Variants in VPS13A observed in about 807,000 individuals in gnomAD.
VPS13A encodes the protein vacuolar protein sorting 13 homolog A.
Under a neutral mutation model 390.9 loss-of-function variants are expected in VPS13A, and 264 were observed. That is an observed-to-expected ratio of 0.68 (90% CI 0.61 to 0.75). The LOEUF (loss-of-function observed/expected upper bound fraction) is 0.75. Ranked by LOEUF, VPS13A falls within the 30% of genes least tolerant of loss-of-function variation. VPS13A has a pLI of 0.00. For synonymous variants in VPS13A, 1,231 were observed against 1,227.1 expected (o/e 1.00, Z -0.07); for missense variants, 3,409 against 3,733.9 (o/e 0.91, Z 2.27).
At chr9:77,233,375 C>G (rs1823948917) in intron 17 of VPS13A, among the ~76,000 whole-genome samples, 1 of 151,382 alleles carries the variant, frequency 6.6e-6, no homozygotes, top group African/African-American at 2.4e-5. Context: ...TTCATTCTCT[C>G]TGGTGTTTTT....
Position 77,281,739 on chromosome 9 carries a change from GTATATATA to G in VPS13A, c.2905-116_2905-109del, listed in dbSNP as rs111517856. 126 of 492,570 alleles carry G rather than the reference GTATATATA, an allele frequency of 2.6e-4. No individual in the cohort carries two copies. In the East Asian group the frequency reaches 4.6e-3, roughly 18 times the overall value. 30.5% of individuals were successfully genotyped at this position (492,570 alleles called of 1,614,324 possible). A position where few individuals can be genotyped will look rare whatever the true frequency, so the allele number is the denominator to read the frequency against. On this transcript the variant is annotated intron_variant, in intron 27 of 71. Transcript: ENST00000360280. Reference sequence around the variant, plus strand: ...GGTAATTATATGTGTGTGTATATGTGTATATATATATATATATATGTATATGAACAGCT... The same window carrying G: ...GGTAATTATATGTGTGTGTATATGTGTATATATATATGTATATGAACAGCT...
chr9:77,260,166 A>G lies in VPS13A; in HGVS notation c.2369A>G (p.Glu790Gly), dbSNP rs371250561. The change falls in exon 23 of 72, where the codon GAA (glutamate) becomes GGA (glycine). Residue 790 changes from glutamate (E) to glycine (G), a missense_variant. By Grantham distance (98) the Glu-to-Gly change is moderately conservative. Transcript: ENST00000360280. ...KKLQGIMELI[E>G]SIPKPEPVTE... ...CTACAAGGGATTATGGAATTGATTGAAAGCATTCCAAAACCTGAACCAGTA... is the reference window on the plus strand; with the variant it reads ...CTACAAGGGATTATGGAATTGATTGGAAGCATTCCAAAACCTGAACCAGTA... The G allele has an allele frequency of 8.1e-6, 13 of 1,612,292 alleles. No individual in the cohort carries two copies. Among genetic ancestry groups the G allele is most frequent in the Non-Finnish European group, 1.1e-5 (13 of 1,178,746 alleles).
chr9:77,196,948 A>T (rs1825039880), intron 1 of VPS13A, among the ~76,000 whole-genome samples: 1 of 152,144 alleles, frequency 6.6e-6, no homozygotes, highest in South Asian at 2.1e-4. Context: ...GTACTAATTT[A>T]TACTCCCAAA....
chr9:77,316,548 G>T, intron 39 of VPS13A, 142 bp downstream of exon 39: 1 of 674,634 alleles, frequency 1.5e-6, no homozygotes, highest in South Asian at 1.8e-5. Context: ...GCTTAATTTA[G>T]AATATTATTT....
At chr9:77,329,458 G>C (rs1210312288) in intron 45 of VPS13A, among the ~76,000 whole-genome samples, 1 of 152,144 alleles carries the variant, frequency 6.6e-6, no homozygotes, top group Non-Finnish European at 1.5e-5. Flanking sequence ...GGCCATTGGA[G>C]GGTTATTAAT....
rs79786329 is a variant in VPS13A, at chr9:77,381,968, T to C, written c.9078-8T>C. ...TTTTAAAATAAAGTTATATTTTTTT[T>C]CCTCTAGAGCTACAGAGACTTCTGA... On this transcript the variant is annotated splice_region_variant and splice_polypyrimidine_tract_variant and intron_variant, in intron 67 of 71. Transcript: ENST00000360280. The C allele has an allele frequency of 6.4e-7, 1 of 1,572,402 alleles. No individual in the cohort carries two copies. The highest frequency in any genetic ancestry group is 8.7e-7 in the Non-Finnish European group (1 of 1,152,938).
chr9:77,353,738 G>A (rs1241854617), intron 54 of VPS13A, 97 bp downstream of exon 54: 4 of 1,221,468 alleles, frequency 3.3e-6, no homozygotes, highest in Admixed American at 4.0e-5. Flanking sequence ...TTTCAGTTTT[G>A]TGCTTTGACT....
At chr9:77,378,507 C>G (rs1316550088) in intron 67 of VPS13A, among the ~76,000 whole-genome samples, 1 of 151,844 alleles carries the variant, frequency 6.6e-6, no homozygotes, top group East Asian at 1.9e-4. Flanking sequence ...TCCTAGTATT[C>G]CCTTATAATT....
intron 63 of VPS13A, among the ~76,000 whole-genome samples, 168 bp downstream of exon 63, chr9:77,369,580 A>G (rs1230968453): frequency 1.3e-5 from 2 of 152,192 alleles, no homozygotes; most frequent in African/African-American, 4.8e-5. Context: ...GGACATTTTT[A>G]CCCTTTTCCT....
At chr9:77,359,728 G>T (rs1348753886) in intron 58 of VPS13A, among the ~76,000 whole-genome samples, 1 of 149,208 alleles carries the variant, frequency 6.7e-6, no homozygotes, top group Admixed American at 6.7e-5. Flanking sequence ...TGAGGCACGA[G>T]AATCGCTTGA....
At chr9:77,358,103 C>G (rs1353700252) in intron 56 of VPS13A, among the ~76,000 whole-genome samples, 1 of 151,488 alleles carries the variant, frequency 6.6e-6, no homozygotes, top group East Asian at 1.9e-4. Context: ...TTACAGGTGC[C>G]CACCACCATG....
chr9:77,369,953 T>C (rs1832655534), intron 63 of VPS13A, among the ~76,000 whole-genome samples: 1 of 152,186 alleles, frequency 6.6e-6, no homozygotes, highest in African/African-American at 2.4e-5. Context: ...TTATCAAGAG[T>C]AGTTTGAACT....
intron 24 of VPS13A, among the ~76,000 whole-genome samples, chr9:77,273,967 A>C: frequency 6.6e-6 from 1 of 152,292 alleles, no homozygotes; most frequent in East Asian, 1.9e-4. Context: ...CCAAAAAGAC[A>C]TGTTTTCGAG....
rs1353342205 is a variant in VPS13A, at chr9:77,222,388, T to C, written c.1161+1032T>C. Among the ~76,000 whole-genome samples the C allele has an allele frequency of 2.0e-5, 3 of 152,168 alleles. No individual in the cohort carries two copies. In the East Asian group the frequency reaches 5.8e-4, roughly 29 times the overall value. ...TGAAATTCTCAAAAGTAATTATGGG[T>C]ATGTCAAGATAGCTGTGATGAAAGA... is the stretch of plus-strand genomic sequence containing the variant. On this transcript the variant is annotated intron_variant, in intron 13 of 71. Transcript: ENST00000360280.
chr9:77,211,101 T>G (rs555022480), intron 7 of VPS13A: 1 of 169,132 alleles, frequency 5.9e-6, no homozygotes, highest in African/African-American at 2.4e-5. Flanking sequence ...TTTAAAAATA[T>G]AAGAACATGT....
At position 77,356,835 on chromosome 9, in the gene VPS13A, G is replaced by T; in HGVS notation, c.7774G>T (p.Asp2592Tyr). The T allele has an allele frequency of 6.2e-7, 1 of 1,613,894 alleles. No individual in the cohort carries two copies. The highest frequency in any genetic ancestry group is 1.1e-5 in the South Asian group (1 of 91,080). Residue 2592 changes from aspartate (D) to tyrosine (Y), a missense_variant, in exon 55 of 72, where the codon GAT becomes TAT. This residue lies in a region of VPS13A where 221 missense variants were observed against 300.7 expected (regional missense o/e 0.73). Transcript: ENST00000360280. ...KEYTESSPSE[D>Y]KVIQLDTNVP... ...ATATACTGAATCTTCTCCTTCAGAAGATAAGGTTATTCAGTTGGACACTAA... is the reference window on the plus strand; with the variant it reads ...ATATACTGAATCTTCTCCTTCAGAATATAAGGTTATTCAGTTGGACACTAA...
rs1833525579 is a variant in VPS13A, at chr9:77,383,062, T to C, written c.9189+975T>C. 3 of 980,108 alleles carry C rather than the reference T, an allele frequency of 3.1e-6. No homozygotes were observed. The South Asian group carries it at 1.4e-4, about 46-fold the overall frequency. The allele number at this position is 980,108 out of a possible 1,614,324, so 60.7% of individuals were successfully genotyped here. ...GATACTCATGGTAGCAATAAACTGT[T>C]GGAATATGAAGCTTCCTTTATGGCT... On this transcript the variant is annotated intron_variant, in intron 68 of 71. Transcript: ENST00000360280.
chr9:77,339,492 T>C, intron 47 of VPS13A, 24 bp from the exon 48 acceptor site: 1 of 1,410,210 alleles, frequency 7.1e-7, no homozygotes, highest in Admixed American at 2.4e-5. Flanking sequence ...AAATTTTGTT[T>C]TGTTTTTTTT....
At chr9:77,412,694 A>G (rs987113249) in intron 71 of VPS13A, among the ~76,000 whole-genome samples, 17 of 152,178 alleles carry the variant, frequency 1.1e-4, no homozygotes, top group African/African-American at 4.1e-4. Flanking sequence ...GGCACAAGAC[A>G]GGGATGCCCT....
Sources: allele counts gnomAD v4.1 joint callset (sites outside exome capture counted in the v4.1 genomes callset), GRCh38; gene constraint gnomAD v4.1.1; regional missense constraint gnomAD v4.1.1; transcripts MANE v1.5; gene names NCBI Gene and HGNC (gene_info 2026-07-23, HGNC 2026-07-21).